DOP1A: variants seen among roughly 807,000 people sequenced by gnomAD.
The protein encoded by DOP1A is protein DOP1A.
A neutral mutation model predicts 267.6 loss-of-function variants in DOP1A; 90 were observed. That is an observed-to-expected ratio of 0.34 (90% CI 0.28 to 0.40). DOP1A has a LOEUF of 0.40. Ranked by LOEUF, DOP1A falls within the 10% of genes least tolerant of loss-of-function variation. The pLI is 1.00. For missense variants in DOP1A, 2,437 were observed against 2,900.4 expected, an observed-to-expected ratio of 0.84 and a Z score of 3.67; for synonymous variants, 932 against 999.1, an observed-to-expected ratio of 0.93 and a Z score of 1.27.
chr6:83,116,801 A>C (rs1047423716), intron 7 of DOP1A, among the ~76,000 whole-genome samples: 3 of 152,080 alleles, frequency 2.0e-5, no homozygotes, highest in African/African-American at 7.2e-5. Flanking sequence ...ACAGAGTGAG[A>C]CTCCAACTTA....
At chr6:83,099,064 G>C (rs1005300172) in intron 3 of DOP1A, among the ~76,000 whole-genome samples, 3 of 152,040 alleles carry the variant, frequency 2.0e-5, no homozygotes, top group Admixed American at 2.0e-4. Context: ...TGAGAAGAGG[G>C]CAGGAAAAGT....
chr6:83,119,963 G>C, intron 9 of DOP1A, 106 bp downstream of exon 9: 2 of 792,874 alleles, frequency 2.5e-6, no homozygotes, highest in Non-Finnish European at 3.8e-6. Flanking sequence ...TGAAGGGGTG[G>C]AGACAAGACT....
chr6:83,092,049 G>A (rs1461969052), intron 1 of DOP1A, among the ~76,000 whole-genome samples: 2 of 152,034 alleles, frequency 1.3e-5, no homozygotes, highest in Non-Finnish European at 2.9e-5. Context: ...GTCACTGTTG[G>A]TATTTAACTG....
Position 83,124,805 on chromosome 6 carries a change from G to T in DOP1A, c.1441G>T (p.Asp481Tyr). ...NFCLLVDFLL[D>Y]IVSLPTRSMR... The stretch of plus-strand genomic sequence containing the variant: ...CTGCTTACTGGTGGATTTTTTGTTG[G>T]ACATAGTTTCTTTGGTAAGACCACC... Residue 481 changes from aspartate to tyrosine, a missense_variant, in exon 13 of 39, where the codon GAC becomes TAC. Physicochemically the swap from Asp to Tyr is radical, Grantham distance 160. Coordinates refer to ENST00000349129, the MANE Select transcript of DOP1A (RefSeq NM_015018.4). 1.9e-6 allele frequency: 3 copies of T among 1,612,358 alleles called. No individual in the cohort carries two copies. The South Asian group carries it at 3.3e-5, about 18-fold the overall frequency.
rs762936243 is a variant in DOP1A, at chr6:83,154,029, C to G, written c.6375C>G (p.Ala2125=). The part of the protein sequence containing the change: ...FMDPSFFQMD[A]SCVNHWRAIM... ...ATCCCAGTTTCTTTCAGATGGATGCCTCTTGTGTTAATCAGTAAGTTGCCC... is the reference window on the plus strand; with the variant it reads ...ATCCCAGTTTCTTTCAGATGGATGCGTCTTGTGTTAATCAGTAAGTTGCCC... The change falls in exon 32 of 39, where the codon GCC becomes GCG. Residue 2125 remains alanine, a synonymous_variant. Transcript: ENST00000349129. 1.2e-6 allele frequency: 2 copies of G among 1,613,924 alleles called. No individual in the cohort carries two copies. Among genetic ancestry groups the G allele is most frequent in the Non-Finnish European group, 1.7e-6 (2 of 1,179,974 alleles).
At chr6:83,154,401 C>T (rs552386724) in intron 33 of DOP1A, 160 bp downstream of exon 33, 16 of 622,192 alleles carry the variant, frequency 2.6e-5, no homozygotes, top group South Asian at 2.5e-4. Flanking sequence ...ACTTTCTGTA[C>T]GCTATGGGAA....
intron 34 of DOP1A, 26 bp downstream of exon 34, chr6:83,156,129 T>C (rs1265875118): frequency 3.2e-6 from 5 of 1,582,128 alleles, no homozygotes; most frequent in Non-Finnish European, 4.3e-6. Context: ...CCCTTTATTT[T>C]TTCTCTAACT....
At chr6:83,145,204 A>AT (rs1554246758) in intron 24 of DOP1A, among the ~76,000 whole-genome samples, 1 of 646 alleles carries the variant, frequency 1.5e-3, no homozygotes. Flanking sequence ...ATATATATAT[A>AT]ATAATATATA....
downstream of DOP1A, chr6:83,170,657 C>CTA: frequency 1.7e-6 from 1 of 571,674 alleles, no homozygotes; most frequent in South Asian, 2.6e-5. Context: ...TTTCTTCAGT[C>CTA]TATAAAGAAT....
chr6:83,155,942 C>T lies in DOP1A; in HGVS notation c.6452-9C>T. On this transcript the variant is annotated splice_polypyrimidine_tract_variant and intron_variant, in intron 33 of 38. Transcript: ENST00000349129. ...ACAGTGTCACAGTCTCTTTCACTTG[C>T]TTTTTCAGCTCGTGTAGCAGTGGCT... 2 of 1,602,832 alleles carry T rather than the reference C, an allele frequency of 1.2e-6. No homozygotes were observed. The highest frequency in any genetic ancestry group is 1.7e-6 in the Non-Finnish European group (2 of 1,177,024).
chr6:83,158,433 C>T (rs1783361337), intron 35 of DOP1A, 134 bp from the exon 36 acceptor site: 2 of 735,866 alleles, frequency 2.7e-6, no homozygotes, highest in Non-Finnish European at 4.5e-6. Flanking sequence ...CCTTCAGAAA[C>T]TAAGTATAAT....
chr6:83,160,042 GTTT>G, intron 37 of DOP1A, 82 bp downstream of exon 37: 7 of 1,358,750 alleles, frequency 5.2e-6, no homozygotes, highest in Non-Finnish European at 6.1e-6. Context: ...TAATTAAAAA[GTTT>G]TTTGTGTAAG....
rs73483074 is a variant in DOP1A, at chr6:83,146,325, C to T, written c.5676+667C>T. On this transcript the variant is annotated intron_variant, in intron 25 of 38. Transcript: ENST00000349129. ...AGACTTTGAGCCAAGCCAAAATAGA[C>T]CTAATCACATCCTTTAAAGAATTAT... 5.5e-3 allele frequency among the ~76,000 whole-genome samples: 843 copies of T among 152,258 alleles called. 9 individuals are homozygous for T. Among genetic ancestry groups the T allele is most frequent in the African/African-American group, 0.019 (793 of 41,548 alleles).
At chr6:83,128,172 T>A (rs1777488203) in intron 15 of DOP1A, among the ~76,000 whole-genome samples, 1 of 152,202 alleles carries the variant, frequency 6.6e-6, no homozygotes, top group African/African-American at 2.4e-5. Flanking sequence ...ATATTCTGAC[T>A]CAGTCACCCA....
chr6:83,092,835 A>G (rs929392326), intron 1 of DOP1A, among the ~76,000 whole-genome samples: 3 of 152,178 alleles, frequency 2.0e-5, no homozygotes, highest in African/African-American at 7.2e-5. Flanking sequence ...TATAGCATGG[A>G]TACACTGCAC....
rs1315840568 is a variant in DOP1A, at chr6:83,121,916, A to T, written c.1100-14A>T. ...CTGATTAATTACTGTCTTTAATTTG[A>T]ATATTAATTTTAGGACCTGTAATTC... is the stretch of plus-strand genomic sequence containing the variant. On this transcript the variant is annotated splice_polypyrimidine_tract_variant and intron_variant, in intron 10 of 38. Transcript: ENST00000349129. The T allele has an allele frequency of 6.3e-7, 1 of 1,590,578 alleles. No individual in the cohort carries two copies. Among genetic ancestry groups the T allele is most frequent in the South Asian group, 1.1e-5 (1 of 87,248 alleles).
At chr6:83,159,184 TAGAG>T (rs1381546480) in intron 36 of DOP1A, among the ~76,000 whole-genome samples, 1 of 152,228 alleles carries the variant, frequency 6.6e-6, no homozygotes, top group African/African-American at 2.4e-5. Flanking sequence ...TTTATTATTA[TAGAG>T]AATTTTCTCA....
In DOP1A at chr6:83,096,775, T is replaced by C; in HGVS notation, c.-102T>C. The C allele has an allele frequency of 2.1e-6, 1 of 475,718 alleles. No homozygotes were observed. The highest frequency in any genetic ancestry group is 3.7e-5 in the Admixed American group (1 of 26,706). 29.5% of individuals were successfully genotyped at this position (475,718 alleles called of 1,614,324 possible). A position where few individuals can be genotyped will look rare whatever the true frequency, so the allele number is the denominator to read the frequency against. ...TATCTTTCAGGCTGTCTTTGAATAC[T>C]TCCATGACCCTGAACACTAGCTGAG... On this transcript the variant is annotated 5_prime_UTR_variant, in exon 2 of 39. Transcript: ENST00000349129.
intron 3 of DOP1A, among the ~76,000 whole-genome samples, chr6:83,099,573 A>G (rs1772154228): frequency 1.3e-5 from 2 of 152,230 alleles, no homozygotes; most frequent in South Asian, 2.1e-4. Context: ...AGATTAACCA[A>G]TATTCACAAA....
Sources: gnomAD v4.1 joint callset for allele counts (sites outside exome capture counted in the v4.1 genomes callset) on GRCh38, gnomAD v4.1.1 for gene constraint, MANE v1.5 for transcripts, NCBI Gene and HGNC (gene_info 2026-07-23, HGNC 2026-07-21) for gene names.